Variants in TRIM65 observed in about 807,000 individuals in gnomAD.
The protein encoded by TRIM65 is tripartite motif containing 65.
A neutral mutation model predicts 36.1 loss-of-function variants in TRIM65; 46 were observed. That is an observed-to-expected ratio of 1.27 (90% confidence interval 1.01 to 1.63). The LOEUF (loss-of-function observed/expected upper bound fraction) is 1.63, where lower values mean the gene tolerates loss of function less well. TRIM65 is among the 40% of genes most tolerant of loss of function. The pLI, the probability that TRIM65 is intolerant of heterozygous loss-of-function variation, is 0.00. For synonymous variants in TRIM65, 346 were observed against 313.6 expected, an observed-to-expected ratio of 1.10 and a Z score of -1.09; for missense variants, 708 against 696.6, an observed-to-expected ratio of 1.02 and a Z score of -0.18.
exon 5 of TRIM65, chr17:75,880,333 CCTT>C (rs1264234650): frequency 7.1e-6 from 1 of 140,294 alleles, no homozygotes; most frequent in Non-Finnish European, 1.5e-5. Flanking sequence ...GTTCAAATGT[CCTT>C]TTTTTTTTTT....
intron 1 of TRIM65, among the ~76,000 whole-genome samples, chr17:75,894,535 C>T (rs556866067): frequency 5.7e-4 from 87 of 152,308 alleles, no homozygotes; most frequent in Admixed American, 2.2e-3. Flanking sequence ...TTGGAACCTT[C>T]TCTTCCTCCT....
In TRIM65 at chr17:75,896,796, G is replaced by A; in HGVS notation, c.142C>T (p.Pro48Ser). 6 of 1,509,894 alleles carry A rather than the reference G, an allele frequency of 4.0e-6. No individual in the cohort carries two copies. Among genetic ancestry groups the A allele is most frequent in the East Asian group, 2.7e-5 (1 of 36,590 alleles). The allele number at this position is 1,509,894 out of a possible 1,614,324, so 93.5% of individuals were successfully genotyped here. ...TCGGGAAAGGGCTCCCGGCACTCGG[G>A]GCACGCCTTTCCGCAGCGGTCCCAC... ...DWWDRCGKAC[P>S]ECREPFPDGA... The change falls in exon 1 of 6, where the codon CCC becomes TCC. Residue 48 changes from proline (P) to serine (S), a missense_variant. Coordinates refer to ENST00000269383, the MANE Select transcript of TRIM65 (RefSeq NM_173547.4).
At chr17:75,883,672 T>C (rs1207862380) in intron 4 of TRIM65, among the ~76,000 whole-genome samples, 2 of 151,072 alleles carry the variant, frequency 1.3e-5, no homozygotes, top group Admixed American at 6.6e-5. Flanking sequence ...GGACTACAGG[T>C]GCCTGCCACC....
At chr17:75,888,618 C>T (rs901132029), downstream of TRIM65, among the ~76,000 whole-genome samples, 3 of 152,314 alleles carry the variant, frequency 2.0e-5, no homozygotes, top group Admixed American at 2.0e-4. Context: ...GCCATCTGGC[C>T]AGGCCAATAC....
chr17:75,886,146 A>G (rs2065205102), downstream of TRIM65, among the ~76,000 whole-genome samples: 1 of 152,132 alleles, frequency 6.6e-6, no homozygotes, highest in Admixed American at 6.6e-5. Flanking sequence ...GCCTGCCACC[A>G]TATGAGACAT....
Position 75,896,554 on chromosome 17 carries a change from C to T in TRIM65, c.384G>A (p.Ala128=). The T allele has an allele frequency of 7.4e-7, 1 of 1,359,230 alleles. No homozygotes were observed. Among genetic ancestry groups the T allele is most frequent in the Non-Finnish European group, 9.5e-7 (1 of 1,056,908 alleles). 84.2% of individuals were successfully genotyped at this position (1,359,230 alleles called of 1,614,324 possible). A position where few individuals can be genotyped will look rare whatever the true frequency, so the allele number is the denominator to read the frequency against. The change falls in exon 1 of 6, where the codon GCG becomes GCA. Residue 128 remains alanine (A), a synonymous_variant. Transcript: ENST00000269383. Reference sequence around the variant, plus strand: ...GCTTGAGGCGCTCGGCATCCAGCAGCGCCCGCTCGTGGAGGCGACACTCGC... The same window carrying T: ...GCTTGAGGCGCTCGGCATCCAGCAGTGCCCGCTCGTGGAGGCGACACTCGC... ...TVRECRLHER[A]LLDAERLKRE... is the part of the protein sequence containing the mutation.
At chr17:75,888,628 C>T (rs1243332881), downstream of TRIM65, among the ~76,000 whole-genome samples, 1 of 152,244 alleles carries the variant, frequency 6.6e-6, no homozygotes, top group African/African-American at 2.4e-5. Context: ...CAGGCCAATA[C>T]ATCCTGCCTG....
At chr17:75,893,779 T>TC (rs2065306732) in intron 1 of TRIM65, among the ~76,000 whole-genome samples, 1 of 151,564 alleles carries the variant, frequency 6.6e-6, no homozygotes, top group Non-Finnish European at 1.5e-5. Context: ...CACCCAACCC[T>TC]CCCCCAGGGA....
rs1197604950 is a variant in TRIM65 at position 75,892,252 on chromosome 17, C to T, written c.744+15G>A. ...AGGGAAGCAAGTCCGCCACCTATGC[C>T]CTGAGCCCTCGCACCTGCAGGAAGG... On this transcript the variant is annotated intron_variant, in intron 3 of 5. Transcript: ENST00000269383. 5 of 1,606,302 alleles carry T rather than the reference C, an allele frequency of 3.1e-6. No homozygotes were observed. The highest frequency in any genetic ancestry group is 4.3e-6 in the Non-Finnish European group (5 of 1,176,390).
In TRIM65 at chr17:75,891,299, T is replaced by C. The variant is rs552106879; in HGVS notation, c.1034A>G (p.Tyr345Cys). ...CACCTGCTGGTCCTGGCGCGACAGA[T>C]AGAAGTGACGGTTGGCGCTGACTGG... Reference protein sequence around the residue: ...FDPVSANRHFYLSRQDQQVKH... With the variant: ...FDPVSANRHFCLSRQDQQVKH... The change falls in exon 6 of 6, where the codon TAT (tyrosine) becomes TGT (cysteine). Residue 345 changes from tyrosine (Y) to cysteine (C), a missense_variant. Coordinates refer to ENST00000269383, the MANE Select transcript of TRIM65 (RefSeq NM_173547.4). 58 of 1,613,104 alleles carry C rather than the reference T, an allele frequency of 3.6e-5. No individual in the cohort carries two copies. Among genetic ancestry groups the C allele is most frequent in the Non-Finnish European group, 4.7e-5 (56 of 1,180,002 alleles).
chr17:75,894,792 GTGC>G (rs1201026669), intron 1 of TRIM65, among the ~76,000 whole-genome samples: 3 of 152,142 alleles, frequency 2.0e-5, no homozygotes, highest in African/African-American at 7.2e-5. Flanking sequence ...GCCTCCCAAA[GTGC>G]TGGGATTACA....
In TRIM65 at chr17:75,891,061, C is replaced by A. The variant is rs199667738; in HGVS notation, c.1272G>T (p.Gly424=). 40 of 1,612,290 alleles carry A rather than the reference C, an allele frequency of 2.5e-5. No homozygotes were observed. The East Asian group carries it at 8.5e-4, about 34-fold the overall frequency. Residue 424 remains glycine, a synonymous_variant, in exon 6 of 6, where the codon GGG becomes GGT. Coordinates refer to ENST00000269383, the MANE Select transcript of TRIM65 (RefSeq NM_173547.4). ...GGAGGCTGTCCTCCTGGACGCAGAG[C>A]CCCCAGGAGCAGGGTCCCCGGCCAA... ...DNIGRGPCSW[G]LCVQEDSLQA...
chr17:75,893,594 G>A (rs1321651940), intron 1 of TRIM65, among the ~76,000 whole-genome samples: 3 of 152,136 alleles, frequency 2.0e-5, no homozygotes, highest in Non-Finnish European at 4.4e-5. Flanking sequence ...CTCCCGCAAT[G>A]CACTGAGATG....
chr17:75,892,672 G>A (rs1344935716), intron 2 of TRIM65, 83 bp downstream of exon 2: 2 of 1,386,092 alleles, frequency 1.4e-6, no homozygotes, highest in African/African-American at 1.4e-5. Flanking sequence ...GCTCCCTGCT[G>A]CCTGGTGTTC....
downstream of TRIM65, among the ~76,000 whole-genome samples, chr17:75,887,149 TC>T (rs2065213701): frequency 1.9e-5 from 1 of 53,154 alleles, no homozygotes. Context: ...TGAGGCCCCA[TC>T]TCTTAAAAAA....
At chr17:75,883,899 A>G (rs1181547329) in intron 4 of TRIM65, among the ~76,000 whole-genome samples, 1 of 152,194 alleles carries the variant, frequency 6.6e-6, no homozygotes. Flanking sequence ...AAAAGTAAAC[A>G]GGCCAGGTGC....
chr17:75,891,751 C>T, intron 5 of TRIM65, 62 bp downstream of exon 5: 1 of 1,445,678 alleles, frequency 6.9e-7, no homozygotes, highest in African/African-American at 1.6e-5. Context: ...GCTCACAGCA[C>T]ACACAGGCAC....
chr17:75,891,377 TG>T, intron 5 of TRIM65, 30 bp from the exon 6 acceptor site: 1 of 1,608,966 alleles, frequency 6.2e-7, no homozygotes, highest in Non-Finnish European at 8.5e-7. Flanking sequence ...AGCAGTGGGC[TG>T]GGGGAAGACA....
chr17:75,887,456 C>A (rs2065216516), downstream of TRIM65, among the ~76,000 whole-genome samples: 1 of 151,952 alleles, frequency 6.6e-6, no homozygotes, highest in Non-Finnish European at 1.5e-5. Flanking sequence ...TGCACTCCAG[C>A]CTGGGCAACA....
Sources: allele counts gnomAD v4.1 joint callset (sites outside exome capture counted in the v4.1 genomes callset), GRCh38; gene constraint gnomAD v4.1.1; transcripts MANE v1.5; gene names NCBI Gene and HGNC (gene_info 2026-07-23, HGNC 2026-07-21).